Variants in ISM2 observed in about 807,000 individuals in gnomAD.
ISM2 encodes isthmin 2.
Under a neutral mutation model 58.0 loss-of-function variants are expected in ISM2, and 50 were observed. That is an observed-to-expected ratio of 0.86 (90% CI 0.69 to 1.09). The LOEUF (loss-of-function observed/expected upper bound fraction) is 1.09, where lower values mean the gene tolerates loss of function less well. ISM2 is among the 50% of genes least tolerant of loss of function. The pLI, the probability that ISM2 is intolerant of heterozygous loss-of-function variation, is 0.00. For missense variants in ISM2, 723 were observed against 745.0 expected, an observed-to-expected ratio of 0.97 and a Z score of 0.34; for synonymous variants, 303 against 312.4, an observed-to-expected ratio of 0.97 and a Z score of 0.32.
In ISM2 at chr14:77,482,461, C is replaced by T. The variant is rs772668484; in HGVS notation, c.834G>A (p.Glu278=). The change falls in exon 4 of 7, where the codon GAG becomes GAA. Residue 278 remains glutamate (E), a synonymous_variant. Coordinates refer to ENST00000342219, the MANE Select transcript of ISM2 (RefSeq NM_199296.3). ...EKEEDEDYPS[E]DIEGEDQEDK... is the part of the protein sequence containing the mutation. ...CCTCTTGATCCTCACCCTCGATATCCTCTGAAGGATAGTCCTCGTCTTCCT... is the reference window on the plus strand; with the variant it reads ...CCTCTTGATCCTCACCCTCGATATCTTCTGAAGGATAGTCCTCGTCTTCCT... The T allele has an allele frequency of 6.8e-6, 11 of 1,614,072 alleles. No individual in the cohort carries two copies.
chr14:77,493,520 G>T (rs1195185538), intron 1 of ISM2, among the ~76,000 whole-genome samples: 1 of 152,138 alleles, frequency 6.6e-6, no homozygotes, highest in Non-Finnish European at 1.5e-5. Flanking sequence ...GGAGTGCAGT[G>T]GCACGATCTC....
chr14:77,495,925 T>C (rs1445300946), intron 1 of ISM2, among the ~76,000 whole-genome samples: 1 of 152,068 alleles, frequency 6.6e-6, no homozygotes, highest in Non-Finnish European at 1.5e-5. Context: ...TAAAATGTCA[T>C]GGGGAGGTCG....
intron 1 of ISM2, among the ~76,000 whole-genome samples, chr14:77,488,719 T>C (rs963159012): frequency 1.1e-4 from 16 of 152,170 alleles, no homozygotes; most frequent in Non-Finnish European, 2.1e-4. Flanking sequence ...CGACAGATGG[T>C]ACTCAGAAGG....
Position 77,476,084 on chromosome 14 carries a change from G to A in ISM2, c.1227C>T (p.Asn409=), listed in dbSNP as rs756256751. The A allele has an allele frequency of 6.6e-7, 1 of 1,525,576 alleles. No individual in the cohort carries two copies. Among genetic ancestry groups the A allele is most frequent in the South Asian group, 1.3e-5 (1 of 79,260 alleles). 94.5% of individuals were successfully genotyped at this position (1,525,576 alleles called of 1,614,324 possible). ...QDVDSCEKWL[N]CKSDFLIKYL... Reference sequence around the variant, plus strand: ...ACTTGATTAGGAAGTCGCTCTTGCAGTTCAGCCACTTCTCACAGCTGTCCA... The same window carrying A: ...ACTTGATTAGGAAGTCGCTCTTGCAATTCAGCCACTTCTCACAGCTGTCCA... Residue 409 remains asparagine, a synonymous_variant, in exon 7 of 7, where the codon AAC becomes AAT. Transcript: ENST00000342219.
chr14:77,478,528 CTA>C, intron 5 of ISM2, 45 bp downstream of exon 5: 1 of 1,592,908 alleles, frequency 6.3e-7, no homozygotes, highest in Non-Finnish European at 8.6e-7. Flanking sequence ...AGCCTCCAGC[CTA>C]AGCCGCACCA....
intron 1 of ISM2, among the ~76,000 whole-genome samples, chr14:77,496,629 T>C (rs2079242685): frequency 6.7e-6 from 1 of 148,992 alleles, no homozygotes; most frequent in East Asian, 2.0e-4. Flanking sequence ...AAACCCTGTC[T>C]TGACTAAAAA....
intron 1 of ISM2, among the ~76,000 whole-genome samples, chr14:77,495,096 C>T (rs2079230747): frequency 6.6e-6 from 1 of 151,854 alleles, no homozygotes; most frequent in African/African-American, 2.4e-5. Context: ...CGCCATGTTG[C>T]TCAGGCTGGT....
At chr14:77,498,179 G>A (rs1222124115) in intron 1 of ISM2, 1 of 1,154,318 alleles carries the variant, frequency 8.7e-7, no homozygotes, top group African/African-American at 1.6e-5. Context: ...GCCGGCGGCT[G>A]GAGAGCCCCA....
Position 77,496,799 on chromosome 14 carries a change from GAAAAAAAAAAAAAAAAAA to G in ISM2, c.141+1836_141+1853del, listed in dbSNP as rs772342344. Among the ~76,000 whole-genome samples, 30 of 25,792 alleles carry G rather than the reference GAAAAAAAAAAAAAAAAAA, an allele frequency of 1.2e-3. 2 individuals are homozygous for G. Among genetic ancestry groups the G allele is most frequent in the Admixed American group, 2.8e-3 (6 of 2,156 alleles). 16.9% of individuals were successfully genotyped at this position (25,792 alleles called of 152,430 possible). ...GTGACAGAGTGAGACTCCATCTCAG[GAAAAAAAAAAAAAAAAAA>G]AAAAAAAAAAAAAAAAAAATTCATG... On this transcript the variant is annotated intron_variant, in intron 1 of 6. Transcript: ENST00000342219.
At chr14:77,477,870 T>C (rs1447059464) in intron 6 of ISM2, among the ~76,000 whole-genome samples, 2 of 152,114 alleles carry the variant, frequency 1.3e-5, no homozygotes, top group African/African-American at 4.8e-5. Context: ...ACTGACCCAT[T>C]TCTGACTGCA....
intron 6 of ISM2, 28 bp downstream of exon 6, chr14:77,478,214 C>G: frequency 6.3e-7 from 1 of 1,595,692 alleles, no homozygotes; most frequent in Non-Finnish European, 8.6e-7. Context: ...CCCCAAACCA[C>G]CAGGGGCAAG....
intron 1 of ISM2, among the ~76,000 whole-genome samples, chr14:77,486,433 C>A (rs1418433666): frequency 6.6e-6 from 1 of 152,208 alleles, no homozygotes; most frequent in African/African-American, 2.4e-5. Context: ...GAGTCTCTTG[C>A]TGAGTCAAAG....
At chr14:77,479,706 C>T (rs112055810) in intron 4 of ISM2, among the ~76,000 whole-genome samples, 10 of 151,900 alleles carry the variant, frequency 6.6e-5, no homozygotes, top group South Asian at 2.1e-4. Context: ...GTAGAGACGG[C>T]GTTTCACCAT....
At chr14:77,477,592 C>G (rs1174942677) in intron 6 of ISM2, among the ~76,000 whole-genome samples, 1 of 152,244 alleles carries the variant, frequency 6.6e-6, no homozygotes, top group Admixed American at 6.5e-5. Context: ...ATGGGTTATG[C>G]GTGTCTTTCC....
intron 3 of ISM2, 38 bp from the exon 4 acceptor site, chr14:77,482,705 C>G: frequency 7.0e-6 from 9 of 1,293,920 alleles, no homozygotes; most frequent in Non-Finnish European, 8.5e-6. Flanking sequence ...TGAAGGAGGT[C>G]TTAGAGCTGC....
At chr14:77,489,469 G>A (rs1303458937) in intron 1 of ISM2, among the ~76,000 whole-genome samples, 1 of 152,176 alleles carries the variant, frequency 6.6e-6, no homozygotes, top group African/African-American at 2.4e-5. Flanking sequence ...TGACTCTTTA[G>A]TCAGGCCTCT....
In ISM2 at chr14:77,478,291, A is replaced by G. The variant is rs779453562; in HGVS notation, c.1149T>C (p.Ser383=). The part of the protein sequence containing the change: ...TEDKDTLGLP[S]EEWKLLARNA... The stretch of plus-strand genomic sequence containing the variant: ...TGCGGGCCAGGAGCTTCCACTCCTC[A>G]CTGGGGAGGCCCAAGGTGTCCTTGT... The change falls in exon 6 of 7, where the codon AGT becomes AGC. Residue 383 remains serine, a synonymous_variant. Coordinates refer to ENST00000342219, the MANE Select transcript of ISM2 (RefSeq NM_199296.3). 2 of 1,614,098 alleles carry G rather than the reference A, an allele frequency of 1.2e-6. No individual in the cohort carries two copies. Among genetic ancestry groups the G allele is most frequent in the Admixed American group, 1.7e-5 (1 of 60,016 alleles).
At chr14:77,480,222 G>A (rs985574596) in intron 4 of ISM2, among the ~76,000 whole-genome samples, 1 of 151,554 alleles carries the variant, frequency 6.6e-6, no homozygotes, top group Non-Finnish European at 1.5e-5. Context: ...GGAGGTTGAG[G>A]CAGCAGTGAG....
intron 1 of ISM2, among the ~76,000 whole-genome samples, chr14:77,491,550 G>A (rs969631705): frequency 4.0e-5 from 6 of 151,820 alleles, no homozygotes; most frequent in East Asian, 1.9e-4. Context: ...CACCATGCCC[G>A]GCTAATTTTT....
Sources: allele counts gnomAD v4.1 joint callset (sites outside exome capture counted in the v4.1 genomes callset), GRCh38; gene constraint gnomAD v4.1.1; transcripts MANE v1.5; gene names NCBI Gene and HGNC (gene_info 2026-07-23, HGNC 2026-07-21).